The following SYTL5 variants were observed in gnomAD, a reference collection of about 807,000 sequenced individuals.
SYTL5 encodes synaptotagmin like 5.
In SYTL5, 34 loss-of-function variants were observed where a neutral mutation model predicts 55.9. The observed-to-expected ratio is 0.61, with a 90% CI of 0.46 to 0.81. The LOEUF is 0.81. Ranked by LOEUF, SYTL5 falls within the 30% of genes least tolerant of loss-of-function variation. The pLI is 0.00. For synonymous variants in SYTL5, 221 were observed against 188.7 expected (o/e 1.17, Z -1.40); for missense variants, 637 against 546.7 (o/e 1.17, Z -1.65).
Position 38,076,531 on chromosome X carries a change from T to C in SYTL5, c.555-36T>C, listed in dbSNP as rs758619690. The C allele has an allele frequency of 2.3e-5, 23 of 999,586 alleles. No individual in the cohort carries two copies. The South Asian group carries it at 4.4e-4, about 19-fold the overall frequency. The allele number at this position is 999,586 out of a possible 1,213,427, so 82.4% of individuals were successfully genotyped here. On this transcript the variant is annotated intron_variant, in intron 5 of 16. Transcript: ENST00000297875. The stretch of plus-strand genomic sequence containing the variant: ...AAATGATATTTTTAAATGCTTTCTT[T>C]CTTATCTAATTTTAAATACATATAT...
the SYTL5 span, among the ~76,000 whole-genome samples, chrX:37,925,995 T>C: frequency 7.1e-5 from 8 of 112,113 alleles, no homozygotes; most frequent in African/African-American, 2.6e-4. Flanking sequence ...AATTTCTTTA[T>C]CCACTCGTTG....
the SYTL5 span, among the ~76,000 whole-genome samples, chrX:37,961,875 T>C: frequency 8.9e-6 from 1 of 111,929 alleles, no homozygotes; most frequent in South Asian, 3.7e-4. Flanking sequence ...ATCTTTCTAA[T>C]GCATATTACA....
At chrX:37,981,459 C>A in the SYTL5 span, among the ~76,000 whole-genome samples, 3 of 111,007 alleles carry the variant, frequency 2.7e-5, no homozygotes, top group Non-Finnish European at 5.7e-5. Context: ...CCATGCCTAG[C>A]TAATTTTTGT....
the SYTL5 span, among the ~76,000 whole-genome samples, chrX:37,909,921 C>T: frequency 1.5e-4 from 17 of 110,757 alleles, no homozygotes; most frequent in Non-Finnish European, 2.6e-4. Context: ...GTAATCCACC[C>T]GCCTCAGCCT....
At chrX:37,998,466 G>A in the SYTL5 span, among the ~76,000 whole-genome samples, 1 of 111,856 alleles carries the variant, frequency 8.9e-6, no homozygotes, top group African/African-American at 3.3e-5. Flanking sequence ...CTTGTCGTGC[G>A]CCTGGTCCAG....
At chrX:37,948,678 T>A in the SYTL5 span, among the ~76,000 whole-genome samples, 1 of 111,301 alleles carries the variant, frequency 9.0e-6, no homozygotes, top group Non-Finnish European at 1.9e-5. Flanking sequence ...CACATATAAG[T>A]GAGATCATGG....
At chrX:38,035,204 T>C (rs745340852) in intron 2 of SYTL5, among the ~76,000 whole-genome samples, 327 of 112,428 alleles carry the variant, frequency 2.9e-3, no homozygotes, top group Non-Finnish European at 4.2e-3. Flanking sequence ...ATGCATAGAA[T>C]TCAGGTGGCA....
Position 38,127,525 on chromosome X carries a change from C to T in SYTL5, c.*795C>T, listed in dbSNP as rs1019659228. On this transcript the variant is annotated 3_prime_UTR_variant, in exon 17 of 17. Transcript: ENST00000297875. ...TTGATATACCTTTTCACATTGTGTT[C>T]ACTGACGAGACTAGTTTAATGAAAA... 17 of 111,639 alleles carry T rather than the reference C, an allele frequency of 1.5e-4. No individual in the cohort carries two copies. The highest frequency in any genetic ancestry group is 5.5e-4 in the African/African-American group (17 of 30,679). The allele number at this position is 111,639 out of a possible 1,213,427, so 9.2% of individuals were successfully genotyped here. A position where few individuals can be genotyped will look rare whatever the true frequency, so the allele number is the denominator to read the frequency against.
chrX:38,030,100 C>A (rs1192538457), intron 1 of SYTL5, among the ~76,000 whole-genome samples: 1 of 110,571 alleles, frequency 9.0e-6, no homozygotes, highest in Non-Finnish European at 1.9e-5. Flanking sequence ...TGGGTGGGGA[C>A]TTTTTTTTAA....
intron 6 of SYTL5, among the ~76,000 whole-genome samples, chrX:38,087,866 C>A (rs893030000): frequency 9.0e-6 from 1 of 111,506 alleles, no homozygotes; most frequent in Admixed American, 9.5e-5. Flanking sequence ...TTATCACATG[C>A]TAACTCTATG....
chrX:38,028,797 A>G (rs1402726482), intron 1 of SYTL5, among the ~76,000 whole-genome samples: 1 of 111,892 alleles, frequency 8.9e-6, no homozygotes, highest in Non-Finnish European at 1.9e-5. Flanking sequence ...ACTATAAACC[A>G]CCTTTTAAAT....
Position 38,094,302 on chromosome X carries a change from G to A in SYTL5, c.839G>A (p.Gly280Asp), listed in dbSNP as rs371645338. The A allele has an allele frequency of 5.0e-5, 60 of 1,197,554 alleles. No homozygotes were observed. The African/African-American group carries it at 9.1e-4, about 18-fold the overall frequency. ...TTTTTACTTTGTGGGAAGGAGTATGGTTTTGAAAATTCCATGGATTTGGCT... is the reference window on the plus strand; with the variant it reads ...TTTTTACTTTGTGGGAAGGAGTATGATTTTGAAAATTCCATGGATTTGGCT... ...TVTSVISREYGFENSMDLAAI... is the reference protein window; with the variant it reads ...TVTSVISREYDFENSMDLAAI... Residue 280 changes from glycine (G) to aspartate (D), a missense_variant, in exon 8 of 17, where the codon GGT becomes GAT. Physicochemically the swap from Gly to Asp is moderately conservative, Grantham distance 94. Coordinates refer to ENST00000297875, the MANE Select transcript of SYTL5 (RefSeq NM_138780.3).
At chrX:38,091,985 T>C (rs1244397915) in intron 7 of SYTL5, among the ~76,000 whole-genome samples, 2 of 111,805 alleles carry the variant, frequency 1.8e-5, no homozygotes, top group African/African-American at 6.5e-5. Context: ...GCTGGTCTTT[T>C]CTAAGAGAAA....
At chrX:38,118,992 T>TATATATATATATGTAC (rs1937538699) in intron 13 of SYTL5, among the ~76,000 whole-genome samples, 2 of 105,539 alleles carry the variant, frequency 1.9e-5, no homozygotes, top group Admixed American at 1.0e-4. Flanking sequence ...TACATATATA[T>TATATATATATATGTAC]GTTGAGAGAT....
rs770474246 is a variant in SYTL5, at chrX:38,013,745, G to A, written c.-357+7077G>A. On this transcript the variant is annotated intron_variant, in intron 1 of 16. Coordinates refer to ENST00000297875, the MANE Select transcript of SYTL5 (RefSeq NM_138780.3). ...TCACTCAATCTATACTGGTATCTGCGAACCTGTCACTGACCTCACCCCATC... is the reference window on the plus strand; with the variant it reads ...TCACTCAATCTATACTGGTATCTGCAAACCTGTCACTGACCTCACCCCATC... 7.2e-5 allele frequency among the ~76,000 whole-genome samples: 8 copies of A among 110,601 alleles called. No homozygotes were observed. In the South Asian group the frequency reaches 1.9e-3, roughly 27 times the overall value.
At chrX:38,100,664 GGA>G (rs1479738950) in intron 9 of SYTL5, among the ~76,000 whole-genome samples, 1 of 111,157 alleles carries the variant, frequency 9.0e-6, no homozygotes, top group African/African-American at 3.3e-5. Context: ...GCAAGGAAGT[GGA>G]GCAAAGGGAA....
chrX:38,052,636 C>G (rs1398034430), intron 2 of SYTL5, among the ~76,000 whole-genome samples: 1 of 111,957 alleles, frequency 8.9e-6, no homozygotes, highest in African/African-American at 3.2e-5. Context: ...TTTAAATATT[C>G]AACTGCTTTA....
rs5964293 is a variant in SYTL5 at position 38,061,715 on chromosome X, G to A, written c.329+7293G>A. Among the ~76,000 whole-genome samples the A allele has an allele frequency of 6.0e-3, 667 of 111,613 alleles. 7 individuals are homozygous for A. The highest frequency in any genetic ancestry group is 0.021 in the African/African-American group (637 of 30,728). On this transcript the variant is annotated intron_variant, in intron 3 of 16. Transcript: ENST00000297875. ...CTCCAATCCCTTCTGATTCCAACAA[G>A]TTGGCTATTGTAAGCCTAGTTTTTA...
At chrX:38,022,571 C>T (rs1032401083) in intron 1 of SYTL5, among the ~76,000 whole-genome samples, 7 of 111,832 alleles carry the variant, frequency 6.3e-5, no homozygotes, top group Admixed American at 1.9e-4. Context: ...TATGTCGTCA[C>T]ACCTGCTTTT....
Sources: gnomAD v4.1 joint callset for allele counts (sites outside exome capture counted in the v4.1 genomes callset) on GRCh38, gnomAD v4.1.1 for gene constraint, MANE v1.5 for transcripts, NCBI Gene and HGNC (gene_info 2026-07-23, HGNC 2026-07-21) for gene names.